Variants in TRIM36 observed in about 807,000 individuals in gnomAD.
The protein encoded by TRIM36 is E3 ubiquitin-protein ligase TRIM36.
In TRIM36, 42 loss-of-function variants were observed where a neutral mutation model predicts 72.4. That is an observed-to-expected ratio of 0.58 (90% CI 0.45 to 0.75). The LOEUF (loss-of-function observed/expected upper bound fraction) is 0.75. Ranked by LOEUF, TRIM36 falls within the 30% of genes least tolerant of loss-of-function variation. The pLI, the probability that TRIM36 is intolerant of heterozygous loss-of-function variation, is 0.00. For missense variants in TRIM36, 913 were observed against 857.1 expected (o/e 1.07, Z -0.81); for synonymous variants, 315 against 282.8 (o/e 1.11, Z -1.14).
intron 7 of TRIM36, among the ~76,000 whole-genome samples, chr5:115,135,347 T>A (rs1314122959): frequency 1.3e-5 from 2 of 152,150 alleles, no homozygotes; most frequent in African/African-American, 4.8e-5. Flanking sequence ...AACTGAATGT[T>A]ATGCAGCCAT....
At chr5:115,141,443 T>TA (rs1753271024) in intron 4 of TRIM36, 69 bp from the exon 5 acceptor site, 1 of 1,041,690 alleles carries the variant, frequency 9.6e-7, no homozygotes, top group East Asian at 2.6e-5. Flanking sequence ...AGAATTTTTT[T>TA]TTAATTACAC....
intron 2 of TRIM36, among the ~76,000 whole-genome samples, chr5:115,161,686 G>A (rs1480347237): frequency 3.3e-5 from 5 of 152,144 alleles, no homozygotes; most frequent in African/African-American, 7.2e-5. Context: ...CAAGGCATCC[G>A]TTTCAGTCTC....
intron 7 of TRIM36, 116 bp from the exon 8 acceptor site, chr5:115,134,263 T>C: frequency 1.0e-5 from 9 of 866,322 alleles, no homozygotes; most frequent in Non-Finnish European, 1.4e-5. Context: ...CTAATACTTT[T>C]CTAAATTTAT....
At chr5:115,143,803 T>A (rs1304788783) in intron 4 of TRIM36, among the ~76,000 whole-genome samples, 1 of 152,236 alleles carries the variant, frequency 6.6e-6, no homozygotes. Context: ...CTGCCTTTGT[T>A]GTTGATTATG....
intron 1 of TRIM36, among the ~76,000 whole-genome samples, chr5:115,166,135 G>C (rs1470189871): frequency 1.3e-5 from 2 of 152,174 alleles, no homozygotes; most frequent in African/African-American, 2.4e-5. Context: ...GAAAGGGACA[G>C]GTCCCTGCTG....
At position 115,125,824 on chromosome 5, in the gene TRIM36, C is replaced by T. The variant is rs1047380847; in HGVS notation, c.*679G>A. On this transcript the variant is annotated 3_prime_UTR_variant, in exon 10 of 10. Coordinates refer to ENST00000513154, the MANE Select transcript of TRIM36 (RefSeq NM_001300759.2). ...TTCTGCAAGAAACCATGCTTACTAC[C>T]CATGCTGTTAAATGAGTGTTATGGC... The T allele has an allele frequency of 7.2e-5, 11 of 152,016 alleles. No homozygotes were observed. Among genetic ancestry groups the T allele is most frequent in the African/African-American group, 2.7e-4 (11 of 41,400 alleles). 9.4% of individuals were successfully genotyped at this position (152,016 alleles called of 1,614,324 possible).
At chr5:115,150,440 T>C (rs1232882497) in intron 2 of TRIM36, among the ~76,000 whole-genome samples, 1 of 152,226 alleles carries the variant, frequency 6.6e-6, no homozygotes, top group Non-Finnish European at 1.5e-5. Flanking sequence ...GGGTTGAACA[T>C]TTCCATTATA....
intron 4 of TRIM36, 83 bp downstream of exon 4, chr5:115,144,515 C>A: frequency 1.3e-6 from 2 of 1,539,394 alleles, no homozygotes; most frequent in Non-Finnish European, 1.8e-6. Context: ...CCATATAACA[C>A]ACCATGATTT....
At chr5:115,143,038 T>G (rs990335714) in intron 4 of TRIM36, among the ~76,000 whole-genome samples, 1 of 151,952 alleles carries the variant, frequency 6.6e-6, no homozygotes, top group Admixed American at 6.5e-5. Flanking sequence ...AAGAAGAGAC[T>G]GTTGTAAAGA....
At chr5:115,160,728 C>G (rs990029537) in intron 2 of TRIM36, among the ~76,000 whole-genome samples, 4 of 152,254 alleles carry the variant, frequency 2.6e-5, no homozygotes, top group African/African-American at 9.6e-5. Flanking sequence ...CACCTCTAGT[C>G]TCCGGTATGT....
intron 9 of TRIM36, among the ~76,000 whole-genome samples, chr5:115,128,081 A>C (rs1752447074): frequency 9.5e-6 from 1 of 104,778 alleles, no homozygotes; most frequent in Admixed American, 9.2e-5. Context: ...CAAGGCTATA[A>C]AAAAAATTGG....
At position 115,137,346 on chromosome 5, in the gene TRIM36, G is replaced by A. The variant is rs377622883; in HGVS notation, c.1085+17C>T. The A allele has an allele frequency of 4.4e-6, 7 of 1,593,134 alleles. No homozygotes were observed. ...CATTGCTCAATAGGTTCTAAAGTTAGAAGTAAAAGAGAATACCTGAGGTGG... is the reference window on the plus strand; with the variant it reads ...CATTGCTCAATAGGTTCTAAAGTTAAAAGTAAAAGAGAATACCTGAGGTGG... On this transcript the variant is annotated intron_variant, in intron 6 of 9. Transcript: ENST00000513154.
intron 2 of TRIM36, among the ~76,000 whole-genome samples, chr5:115,156,584 G>C (rs12652069): frequency 0.076 from 11,531 of 152,160 alleles, 652 homozygotes; most frequent in African/African-American, 0.15. Flanking sequence ...TCCTTTTCAA[G>C]AAATGGTGCT....
At chr5:115,158,639 T>C (rs961337220) in intron 2 of TRIM36, among the ~76,000 whole-genome samples, 3 of 152,248 alleles carry the variant, frequency 2.0e-5, no homozygotes, top group Admixed American at 1.3e-4. Flanking sequence ...TTAATGCTTC[T>C]TTTGGTACAT....
chr5:115,132,219 C>CATATAT (rs1410868590), intron 8 of TRIM36, among the ~76,000 whole-genome samples: 3 of 143,920 alleles, frequency 2.1e-5, no homozygotes, highest in African/African-American at 7.7e-5. Context: ...TATATATATA[C>CATATAT]ATATATATAT....
chr5:115,161,016 A>C (rs904945007), intron 2 of TRIM36, among the ~76,000 whole-genome samples: 1 of 152,250 alleles, frequency 6.6e-6, no homozygotes, highest in Non-Finnish European at 1.5e-5. Flanking sequence ...AAACTGGTGA[A>C]GGACAATCCT....
rs1047121437 is a variant in TRIM36, at chr5:115,169,769, C to A, written c.-135G>T. The A allele has an allele frequency of 7.5e-7, 1 of 1,339,162 alleles. No homozygotes were observed. The highest frequency in any genetic ancestry group is 9.6e-7 in the Non-Finnish European group (1 of 1,036,410). The allele number at this position is 1,339,162 out of a possible 1,614,324, so 83.0% of individuals were successfully genotyped here. On this transcript the variant is annotated 5_prime_UTR_variant, in exon 1 of 10. Transcript: ENST00000513154. ...CTGGAAGATGAGCTGGTCAGCTGTA[C>A]GTGGCCAGCGGACCGACGCGGGGAG...
intron 2 of TRIM36, among the ~76,000 whole-genome samples, chr5:115,160,206 A>G (rs574968839): frequency 6.6e-6 from 1 of 151,912 alleles, no homozygotes; most frequent in Non-Finnish European, 1.5e-5. Context: ...GGTACCCTTT[A>G]AAAAAAACTG....
At chr5:115,134,316 T>G (rs2974619) in intron 7 of TRIM36, among the ~76,000 whole-genome samples, 169 bp from the exon 8 acceptor site, 77,997 of 151,482 alleles carry the variant, frequency 0.51, 20,956 homozygotes, top group Middle Eastern at 0.63. Flanking sequence ...ATATTAAATA[T>G]TTTTTATATT....
Sources: allele counts gnomAD v4.1 joint callset (sites outside exome capture counted in the v4.1 genomes callset), GRCh38; gene constraint gnomAD v4.1.1; transcripts MANE v1.5; gene names NCBI Gene and HGNC (gene_info 2026-07-23, HGNC 2026-07-21).